LRRN2: variants seen among roughly 807,000 people sequenced by gnomAD.
The protein encoded by LRRN2 is leucine-rich repeat neuronal protein 2.
In LRRN2, 10 loss-of-function variants were observed where a neutral mutation model predicts 35.7. The ratio of observed to expected loss-of-function variants is 0.28; its 90% CI spans 0.17 to 0.47. LRRN2 has a LOEUF of 0.47. LRRN2 is among the 20% of genes least tolerant of loss of function. The pLI is 0.99. For synonymous variants in LRRN2, 391 were observed against 409.6 expected, an observed-to-expected ratio of 0.95 and a Z score of 0.55; for missense variants, 731 against 940.3, an observed-to-expected ratio of 0.78 and a Z score of 2.91.
At chr1:204,682,793 A>C (rs1668982464) in intron 1 of LRRN2, 1 of 152,246 alleles carries the variant, frequency 6.6e-6, no homozygotes, top group South Asian at 2.1e-4. Context: ...TCCTAAGGAC[A>C]GGATGACTTA....
intron 1 of LRRN2, among the ~76,000 whole-genome samples, chr1:204,638,339 C>T (rs1029844461): frequency 4.1e-4 from 61 of 149,614 alleles, no homozygotes; most frequent in African/African-American, 1.5e-3. Context: ...ACTACTGGCA[C>T]CCTTATTTTA....
chr1:204,647,362 G>A (rs976721915), intron 1 of LRRN2, among the ~76,000 whole-genome samples: 1 of 152,178 alleles, frequency 6.6e-6, no homozygotes, highest in Non-Finnish European at 1.5e-5. Flanking sequence ...TACCATCAGA[G>A]TGACTGATGA....
At chr1:204,661,234 A>T (rs1239455927) in intron 1 of LRRN2, among the ~76,000 whole-genome samples, 1 of 152,218 alleles carries the variant, frequency 6.6e-6, no homozygotes, top group Non-Finnish European at 1.5e-5. Flanking sequence ...TTCACATGAA[A>T]TTCAAAAACA....
rs952774024 is a variant in LRRN2, at chr1:204,637,692, G to C, written c.-226-17474C>G. 7.4e-5 allele frequency among the ~76,000 whole-genome samples: 10 copies of C among 134,528 alleles called. 1 individual carries two copies. The highest frequency in any genetic ancestry group is 1.3e-4 in the Non-Finnish European group (8 of 61,804). 88.3% of individuals were successfully genotyped at this position (134,528 alleles called of 152,430 possible). On this transcript the variant is annotated intron_variant, in intron 1 of 1. Transcript: ENST00000367177. ...TGTGTGTGTGTGTGTGTGTGTGTGT[G>C]TTTGGGGGCAGTCGCTGAGAGGGTG... is the stretch of plus-strand genomic sequence containing the variant.
chr1:204,625,237 G>A (rs1406617714), intron 1 of LRRN2, among the ~76,000 whole-genome samples: 1 of 152,198 alleles, frequency 6.6e-6, no homozygotes, highest in African/African-American at 2.4e-5. Flanking sequence ...CTGGGAATGG[G>A]GATAATGCCT....
rs549398269 is a variant in LRRN2, at chr1:204,651,846, C to T, written c.-226-31628G>A. Among the ~76,000 whole-genome samples, 37 of 152,310 alleles carry T rather than the reference C, an allele frequency of 2.4e-4. 1 individual carries two copies. Among genetic ancestry groups the T allele is most frequent in the Non-Finnish European group, 7.4e-5 (5 of 68,016 alleles). Reference sequence around the variant, plus strand: ...TAGGTGAGAACTCCCAGCCCTCCTTCCAGAACCCCATCCTCCTGCTGTAGG... The same window carrying T: ...TAGGTGAGAACTCCCAGCCCTCCTTTCAGAACCCCATCCTCCTGCTGTAGG... On this transcript the variant is annotated intron_variant, in intron 1 of 1. Transcript: ENST00000367177.
At chr1:204,629,970 G>C (rs1197221670) in intron 1 of LRRN2, among the ~76,000 whole-genome samples, 1 of 152,138 alleles carries the variant, frequency 6.6e-6, no homozygotes, top group African/African-American at 2.4e-5. Context: ...GTGTGGGGGG[G>C]TTAAAAACCT....
At chr1:204,641,226 A>G (rs1315874568) in intron 1 of LRRN2, among the ~76,000 whole-genome samples, 10 of 152,332 alleles carry the variant, frequency 6.6e-5, no homozygotes, top group African/African-American at 2.2e-4. Flanking sequence ...CTTGTTATTG[A>G]TCTTTGTAGC....
chr1:204,638,505 A>G (rs1571650978), intron 1 of LRRN2, among the ~76,000 whole-genome samples: 1 of 134,612 alleles, frequency 7.4e-6, no homozygotes, highest in Admixed American at 8.9e-5. Context: ...TCCGCCCTCT[A>G]GGTTTAAGCA....
intron 1 of LRRN2, among the ~76,000 whole-genome samples, chr1:204,681,573 T>A (rs1001979919): frequency 2.6e-5 from 4 of 152,160 alleles, no homozygotes; most frequent in African/African-American, 9.7e-5. Flanking sequence ...GGCTCTAGAA[T>A]CTCTACTCTG....
At chr1:204,653,129 G>T (rs181795704) in intron 1 of LRRN2, among the ~76,000 whole-genome samples, 1 of 152,140 alleles carries the variant, frequency 6.6e-6, no homozygotes, top group African/African-American at 2.4e-5. Context: ...AAGTAATTGC[G>T]ATTTTTGCCA....
At chr1:204,651,897 G>T (rs1284021023) in intron 1 of LRRN2, among the ~76,000 whole-genome samples, 1 of 152,168 alleles carries the variant, frequency 6.6e-6, no homozygotes, top group Non-Finnish European at 1.5e-5. Flanking sequence ...GCCCCTGCCT[G>T]CCCTGCCCCG....
rs971289134 is a variant in LRRN2 at position 204,638,402 on chromosome 1, C to CTTTTTTTTTTTTTTTTTTT, written c.-226-18203_-226-18185dup. ...GTGAAGTAACTTGCCCAAGGTCTTC[C>CTTTTTTTTTTTTTTTTTTT]TTTTTTTTTTTTTTTTTTTTTTTTT... On this transcript the variant is annotated intron_variant, in intron 1 of 1. Coordinates refer to ENST00000367177, the MANE Select transcript of LRRN2 (RefSeq NM_201630.2). Among the ~76,000 whole-genome samples, 6 of 71,688 alleles carry CTTTTTTTTTTTTTTTTTTT rather than the reference C, an allele frequency of 8.4e-5. 2 individuals carry two copies. The highest frequency in any genetic ancestry group is 2.6e-4 in the African/African-American group (4 of 15,606). The allele number at this position is 71,688 out of a possible 152,430, so 47.0% of individuals were successfully genotyped here.
At chr1:204,621,721 T>C (rs1391197409) in intron 1 of LRRN2, 1 of 167,132 alleles carries the variant, frequency 6.0e-6, no homozygotes, top group African/African-American at 2.4e-5. Context: ...CTCTCTCAGA[T>C]GCCAGGGCCA....
intron 1 of LRRN2, among the ~76,000 whole-genome samples, chr1:204,665,162 C>T (rs1270424496): frequency 6.6e-6 from 1 of 151,730 alleles, no homozygotes; most frequent in African/African-American, 2.4e-5. Context: ...ACTTGGATCA[C>T]AGATGGACGT....
chr1:204,685,145 T>C (rs1344889651), intron 1 of LRRN2, among the ~76,000 whole-genome samples, 175 bp downstream of exon 1: 1 of 152,134 alleles, frequency 6.6e-6, no homozygotes, highest in Non-Finnish European at 1.5e-5. Context: ...GGCCCTCCTC[T>C]GGCCCCCACC....
chr1:204,640,896 A>G (rs750712986), intron 1 of LRRN2, among the ~76,000 whole-genome samples: 14 of 152,096 alleles, frequency 9.2e-5, no homozygotes, highest in African/African-American at 1.7e-4. Context: ...TTACCGCCCA[A>G]GTCTCCCAGG....
intron 1 of LRRN2, among the ~76,000 whole-genome samples, chr1:204,677,525 C>T (rs924949154): frequency 5.9e-5 from 9 of 152,132 alleles, no homozygotes; most frequent in Non-Finnish European, 7.4e-5. Flanking sequence ...ATATCTGAAA[C>T]GACCAGGAAT....
intron 1 of LRRN2, among the ~76,000 whole-genome samples, chr1:204,635,595 G>A (rs988801880): frequency 6.6e-6 from 1 of 152,336 alleles, no homozygotes. Context: ...TCGATCACGA[G>A]ATGGCTGGTA....
Sources: gnomAD v4.1 joint callset for allele counts (sites outside exome capture counted in the v4.1 genomes callset) on GRCh38, gnomAD v4.1.1 for gene constraint, MANE v1.5 for transcripts, NCBI Gene and HGNC (gene_info 2026-07-23, HGNC 2026-07-21) for gene names.